The following PCGF3 variants were observed in gnomAD, a reference collection of about 807,000 sequenced individuals.
PCGF3 encodes the protein polycomb group RING finger protein 3.
A neutral mutation model predicts 33.1 loss-of-function variants in PCGF3; 7 were observed. That is an observed-to-expected ratio of 0.21 (90% confidence interval 0.12 to 0.40). The LOEUF is 0.40. Among genes scored for constraint, PCGF3 ranks in the 10% least tolerant of loss-of-function variants. The pLI, the probability that PCGF3 is intolerant of heterozygous loss-of-function variation, is 1.00. For synonymous variants in PCGF3, 153 were observed against 121.3 expected (o/e 1.26, Z -1.72); for missense variants, 211 against 313.3 (o/e 0.67, Z 2.46).
chr4:739,609 C>T (rs920744286), intron 6 of PCGF3, among the ~76,000 whole-genome samples: 2 of 152,208 alleles, frequency 1.3e-5, no homozygotes, highest in African/African-American at 2.4e-5. Flanking sequence ...GACCTGGGTG[C>T]GTTCCACCCG....
chr4:707,808 C>T (rs188451110), intron 1 of PCGF3, among the ~76,000 whole-genome samples: 1,132 of 69,936 alleles, frequency 0.016, 18 homozygotes, highest in Middle Eastern at 0.045. Flanking sequence ...CCCCTGGGGG[C>T]CGGGACCCTG....
At chr4:731,471 C>T (rs1577410681) in intron 3 of PCGF3, 3 of 293,140 alleles carry the variant, frequency 1.0e-5, no homozygotes, top group African/African-American at 2.2e-5. Flanking sequence ...TCCTCAGGGG[C>T]GCAGGGCAGG....
At chr4:706,268 C>A (rs1247106204) in intron 1 of PCGF3, among the ~76,000 whole-genome samples, 2 of 145,534 alleles carry the variant, frequency 1.4e-5, no homozygotes, top group African/African-American at 5.1e-5. Flanking sequence ...GAGGGCAAGA[C>A]CCCAGCCCAG....
Position 764,834 on chromosome 4 carries a change from G to A in PCGF3, c.601-150G>A, listed in dbSNP as rs531909938. ...TCTAGGCTGTGAGGTAGGGATGGAG[G>A]AATACATGAACCAGCCCCCCCCACC... On this transcript the variant is annotated intron_variant, in intron 9 of 10. Transcript: ENST00000362003. 458 of 612,698 alleles carry A rather than the reference G, an allele frequency of 7.5e-4. 9 individuals carry two copies. In the South Asian group the frequency reaches 8.4e-3, roughly 11 times the overall value. The allele number at this position is 612,698 out of a possible 1,614,324, so 38.0% of individuals were successfully genotyped here.
At chr4:758,547 C>G (rs1257186084) in intron 8 of PCGF3, among the ~76,000 whole-genome samples, 3 of 138,586 alleles carry the variant, frequency 2.2e-5, no homozygotes, top group African/African-American at 8.3e-5. Context: ...CTCCCGAGTT[C>G]TCCCTCCAGA....
intron 1 of PCGF3, among the ~76,000 whole-genome samples, chr4:706,592 G>GTCGC (rs1468877394): frequency 1.2e-5 from 1 of 80,362 alleles, no homozygotes; most frequent in Non-Finnish European, 2.5e-5. Flanking sequence ...GGGAGGGCAG[G>GTCGC]GACCCCAGAC....
At chr4:764,903 A>G (rs1745278340) in intron 9 of PCGF3, 81 bp from the exon 10 acceptor site, 1 of 934,286 alleles carries the variant, frequency 1.1e-6, no homozygotes, top group South Asian at 1.4e-5. Flanking sequence ...GGGGCTGCAG[A>G]TTTCATACCA....
intron 1 of PCGF3, among the ~76,000 whole-genome samples, chr4:708,253 G>A (rs552693406): frequency 6.6e-6 from 1 of 152,280 alleles, no homozygotes; most frequent in South Asian, 2.1e-4. Flanking sequence ...AGAAGGCTAG[G>A]CTCTCAAAGA....
chr4:719,546 C>G (rs866969211), intron 1 of PCGF3, among the ~76,000 whole-genome samples: 6 of 152,222 alleles, frequency 3.9e-5, no homozygotes, highest in African/African-American at 1.4e-4. Flanking sequence ...GGCGAGGGAG[C>G]TGTGTGTGTC....
At chr4:734,136 C>T (rs757058445) in intron 4 of PCGF3, 3 of 1,550,628 alleles carry the variant, frequency 1.9e-6, no homozygotes, top group South Asian at 2.4e-5. Context: ...CAAAGGGGAA[C>T]CTTCCAGTGT....
At chr4:742,186 C>T (rs12505220) in intron 6 of PCGF3, among the ~76,000 whole-genome samples, 28,990 of 147,442 alleles carry the variant, frequency 0.2, 3,405 homozygotes, top group Middle Eastern at 0.27. Flanking sequence ...GGGTCCCCTC[C>T]TCTCTCTGCC....
intron 5 of PCGF3, 43 bp from the exon 6 acceptor site, chr4:737,423 A>C: frequency 7.7e-7 from 1 of 1,296,172 alleles, no homozygotes; most frequent in Non-Finnish European, 1.1e-6. Context: ...GAATTATAGA[A>C]TTAACATTTC....
At chr4:730,700 TTC>T (rs1302107586) in intron 2 of PCGF3, 32 bp downstream of exon 2, 3 of 252,840 alleles carry the variant, frequency 1.2e-5, no homozygotes, top group African/African-American at 6.6e-5. Flanking sequence ...GCCCTCTTCT[TTC>T]CGCACCTGTG....
chr4:764,979 C>T lies in PCGF3; in HGVS notation c.601-5C>T. ...CGCTGCTAATCAAACCTCCTTATCC[C>T]CCAGCTGGACATTTTATGCAACGAG... On this transcript the variant is annotated splice_polypyrimidine_tract_variant and splice_region_variant and intron_variant, in intron 9 of 10. Coordinates refer to ENST00000362003, the Ensembl canonical transcript of PCGF3. 1 of 1,612,588 alleles carries T rather than the reference C, an allele frequency of 6.2e-7. No homozygotes were observed. Among genetic ancestry groups the T allele is most frequent in the Non-Finnish European group, 8.5e-7 (1 of 1,178,708 alleles).
At chr4:760,801 C>T (rs1420435774) in intron 8 of PCGF3, among the ~76,000 whole-genome samples, 1 of 152,238 alleles carries the variant, frequency 6.6e-6, no homozygotes, top group Admixed American at 6.5e-5. Context: ...ACTTTTTATC[C>T]TGCGGCCAAA....
At position 761,229 on chromosome 4, in the gene PCGF3, C is replaced by A. The variant is rs777630330; in HGVS notation, c.463-50C>A. Reference sequence around the variant, plus strand: ...ATATGTCTAAGGAAGCCTCCAGAACCGTCCGGGGGAACCCTCCTGCTGCGC... The same window carrying A: ...ATATGTCTAAGGAAGCCTCCAGAACAGTCCGGGGGAACCCTCCTGCTGCGC... On this transcript the variant is annotated intron_variant, in intron 8 of 10. Transcript: ENST00000362003. The A allele has an allele frequency of 3.4e-6, 5 of 1,489,186 alleles. No homozygotes were observed. In the Admixed American group the frequency reaches 9.7e-5, roughly 29 times the overall value. 92.2% of individuals were successfully genotyped at this position (1,489,186 alleles called of 1,614,324 possible).
chr4:725,932 A>G (rs1201677600), intron 1 of PCGF3, among the ~76,000 whole-genome samples: 1 of 151,168 alleles, frequency 6.6e-6, no homozygotes, highest in Non-Finnish European at 1.5e-5. Flanking sequence ...CCCCAGGGCC[A>G]CTCTCCGCCA....
At position 718,299 on chromosome 4, in the gene PCGF3, A is replaced by G. The variant is rs1273106733; in HGVS notation, c.-190+12329A>G. ...GCGGCGCTGGGGGCCGGACTGCTGA[A>G]GCGCCCCCGAGCTCCCTGGGTATAA... is the stretch of plus-strand genomic sequence containing the variant. On this transcript the variant is annotated intron_variant, in intron 1 of 10. Coordinates refer to ENST00000362003, the Ensembl canonical transcript of PCGF3. 2.0e-5 allele frequency among the ~76,000 whole-genome samples: 3 copies of G among 151,912 alleles called. No homozygotes were observed. The East Asian group carries it at 5.8e-4, about 30-fold the overall frequency.
intron 6 of PCGF3, among the ~76,000 whole-genome samples, chr4:739,176 C>T (rs1743978616): frequency 2.0e-5 from 3 of 152,216 alleles, no homozygotes; most frequent in Non-Finnish European, 4.4e-5. Flanking sequence ...CTAGTTGTCT[C>T]ATAAATGCGG....
Sources: gnomAD v4.1 joint callset for allele counts (sites outside exome capture counted in the v4.1 genomes callset) on GRCh38, gnomAD v4.1.1 for gene constraint, MANE v1.5 for transcripts, NCBI Gene and HGNC (gene_info 2026-07-23, HGNC 2026-07-21) for gene names.